The following MEGF6 variants were observed in gnomAD, a reference collection of about 807,000 sequenced individuals.
MEGF6 encodes multiple EGF like domains 6.
MEGF6 carries 184 observed loss-of-function variants against 207.1 expected under a neutral mutation model. The ratio of observed to expected loss-of-function variants is 0.89; its 90% confidence interval spans 0.79 to 1.00. The LOEUF (loss-of-function observed/expected upper bound fraction) is 1.00. Among genes scored for constraint, MEGF6 ranks in the 50% least tolerant of loss-of-function variants. The pLI, the probability that MEGF6 is intolerant of heterozygous loss-of-function variation, is 0.00. For synonymous variants in MEGF6, 1,038 were observed against 910.0 expected (o/e 1.14, Z -2.53); for missense variants, 2,282 against 2,202.9 (o/e 1.04, Z -0.72).
At chr1:3,584,123 G>A (rs1293014129) in intron 3 of MEGF6, among the ~76,000 whole-genome samples, 2 of 152,242 alleles carry the variant, frequency 1.3e-5, no homozygotes, top group African/African-American at 2.4e-5. Flanking sequence ...AGGCATCCAG[G>A]GTGCCACCGG....
In MEGF6 at chr1:3,494,721, C is replaced by A. The variant is rs779755715; in HGVS notation, c.3892G>T (p.Gly1298Cys). ...CERGCPQNRF[G>C]VGCEHTCSCR... is the part of the protein sequence containing the mutation. ...GAGCAGGTGTGCTCGCAGCCCACGC[C>A]AAACCGGTTCTGGGGGCAGCCTGGA... Residue 1298 changes from glycine (G) to cysteine (C), a missense_variant, in exon 31 of 37, where the codon GGC becomes TGC. Physicochemically the swap from Gly to Cys is radical, Grantham distance 159 (BLOSUM62 -3). Transcript: ENST00000356575. 4.4e-6 allele frequency: 7 copies of A among 1,588,248 alleles called. No individual in the cohort carries two copies. The South Asian group carries it at 5.7e-5, about 13-fold the overall frequency.
chr1:3,574,938 T>A (rs1643601429), intron 4 of MEGF6, among the ~76,000 whole-genome samples: 1 of 152,210 alleles, frequency 6.6e-6, no homozygotes. Flanking sequence ...CCACCACGCC[T>A]GGCTTGAGCC....
At chr1:3,591,411 GCTA>G (rs1372211138) in intron 3 of MEGF6, among the ~76,000 whole-genome samples, 1 of 152,220 alleles carries the variant, frequency 6.6e-6, no homozygotes, top group Non-Finnish European at 1.5e-5. Flanking sequence ...CACTGTCACT[GCTA>G]CTAACAGGAG....
intron 35 of MEGF6, 140 bp downstream of exon 35, chr1:3,492,499 T>C: frequency 8.4e-7 from 1 of 1,189,556 alleles, no homozygotes; most frequent in Non-Finnish European, 1.2e-6. Context: ...TGGGGACAGA[T>C]GACATTCGCT....
At chr1:3,490,668 T>C in intron 36 of MEGF6, 79 bp from the exon 37 acceptor site, 1 of 1,472,226 alleles carries the variant, frequency 6.8e-7, no homozygotes, top group South Asian at 1.2e-5. Flanking sequence ...GGTTGGCACC[T>C]CTCCCTCCCA....
At chr1:3,495,756 G>A (rs1640571548) in intron 30 of MEGF6, 134 bp downstream of exon 30, 2 of 1,139,200 alleles carry the variant, frequency 1.8e-6, no homozygotes, top group African/African-American at 1.6e-5. Flanking sequence ...CAGCCCCAGG[G>A]TCAAGTGGGG....
Position 3,499,867 on chromosome 1 carries a change from C to T in MEGF6, c.2765G>A (p.Gly922Glu). ...CCCGCTGACGTGGTCACAGGCTGCT[C>T]CATGCTGACACTGGCACCGCTGCTC... The part of the protein sequence containing the change: ...GCEQRCQCQH[G>E]AACDHVSGAC... Residue 922 changes from glycine (G) to glutamate (E), a missense_variant, in exon 22 of 37, where the codon GGA becomes GAA. By Grantham distance (98) the Gly-to-Glu change is moderately conservative. Transcript: ENST00000356575. The T allele has an allele frequency of 6.4e-7, 1 of 1,558,590 alleles. No homozygotes were observed. The highest frequency in any genetic ancestry group is 1.7e-4 in the Middle Eastern group (1 of 5,810).
chr1:3,532,170 G>A (rs1271174476), intron 4 of MEGF6, among the ~76,000 whole-genome samples: 1 of 152,234 alleles, frequency 6.6e-6, no homozygotes, highest in East Asian at 1.9e-4. Context: ...GGGTCCCCAC[G>A]CTCCTCGAGG....
At chr1:3,574,765 C>T (rs928102724) in intron 4 of MEGF6, among the ~76,000 whole-genome samples, 6 of 152,212 alleles carry the variant, frequency 3.9e-5, no homozygotes, top group African/African-American at 1.4e-4. Context: ...GCCTCAGCCT[C>T]CTGGGTAGCT....
At chr1:3,541,394 A>G (rs960306351) in intron 4 of MEGF6, among the ~76,000 whole-genome samples, 7 of 152,232 alleles carry the variant, frequency 4.6e-5, no homozygotes, top group African/African-American at 1.7e-4. Flanking sequence ...TCCCGTGGAA[A>G]TGCCGTTCTC....
Position 3,579,870 on chromosome 1 carries a change from G to A in MEGF6, c.436C>T (p.Pro146Ser). 1 of 1,543,140 alleles carries A rather than the reference G, an allele frequency of 6.5e-7. No homozygotes were observed. The highest frequency in any genetic ancestry group is 2.2e-5 in the Admixed American group (1 of 45,750). ...GGRCVPGSAQ[P>S]CHCPPGFQGP... ...TGGAAGCCGGGGGGACAGTGACACG[G>A]CTGGGCTGAGCCTGGCACACAACGG... is the stretch of plus-strand genomic sequence containing the variant. The change falls in exon 4 of 37, where the codon CCG becomes TCG. Residue 146 changes from proline (P) to serine (S), a missense_variant. By Grantham distance (74) the Pro-to-Ser change is moderately conservative. Transcript: ENST00000356575.
At chr1:3,499,474 G>T in intron 23 of MEGF6, 114 bp downstream of exon 23, 1 of 1,476,322 alleles carries the variant, frequency 6.8e-7, no homozygotes, top group Non-Finnish European at 9.1e-7. Context: ...ATCACTCTCA[G>T]GGGGGTTGCC....
chr1:3,579,894 G>A lies in MEGF6; in HGVS notation c.412C>T (p.Arg138Cys), dbSNP rs1196692138. The change falls in exon 4 of 37, where the codon CGT (arginine) becomes TGT (cysteine). Residue 138 changes from arginine to cysteine, a missense_variant. By Grantham distance (180) the Arg-to-Cys change is radical. Coordinates refer to ENST00000356575, the MANE Select transcript of MEGF6 (RefSeq NM_001409.4). Reference sequence around the variant, plus strand: ...GGCTGGGCTGAGCCTGGCACACAACGGCCACCGTGAAAACAGAGGCTGGCG... The same window carrying A: ...GGCTGGGCTGAGCCTGGCACACAACAGCCACCGTGAAAACAGAGGCTGGCG... ...CSASLCFHGG[R>C]CVPGSAQPCH... The A allele has an allele frequency of 3.3e-6, 5 of 1,537,192 alleles. No homozygotes were observed. The highest frequency in any genetic ancestry group is 4.5e-5 in the Admixed American group (2 of 43,972).
chr1:3,531,524 C>T, intron 4 of MEGF6: 1 of 1,027,552 alleles, frequency 9.7e-7, no homozygotes, highest in Non-Finnish European at 1.2e-6. Flanking sequence ...CCGCCCCGAG[C>T]CCCGCCCCAC....
intron 9 of MEGF6, 59 bp from the exon 10 acceptor site, chr1:3,510,961 C>A: frequency 7.2e-7 from 1 of 1,384,692 alleles, no homozygotes; most frequent in South Asian, 1.4e-5. Flanking sequence ...CACACGCCCC[C>A]ACCCACACAC....
chr1:3,494,772 C>G (rs764395842), intron 30 of MEGF6, 31 bp from the exon 31 acceptor site: 2 of 1,531,696 alleles, frequency 1.3e-6, no homozygotes, highest in Admixed American at 3.9e-5. Flanking sequence ...CTGCCTGGAG[C>G]TCTGGCCGAG....
chr1:3,490,946 C>T lies in MEGF6; in HGVS notation c.4530G>A (p.Arg1510=). 6.2e-7 allele frequency: 1 copy of T among 1,600,674 alleles called. No homozygotes were observed. Among genetic ancestry groups the T allele is most frequent in the Non-Finnish European group, 8.5e-7 (1 of 1,175,796 alleles). The change falls in exon 36 of 37, where the codon CGG becomes CGA. Residue 1510 remains arginine, a synonymous_variant. Transcript: ENST00000356575. ...GGGCTAAGGACGGGTTCTCGGGGAGCCGGAGGGGCCCACCTGGAGGGGAGA... is the reference window on the plus strand; with the variant it reads ...GGGCTAAGGACGGGTTCTCGGGGAGTCGGAGGGGCCCACCTGGAGGGGAGA... ...GPTCREGGPL[R]LPENPSLAQG...
At chr1:3,621,255 G>A in the MEGF6 span, among the ~76,000 whole-genome samples, 1 of 152,152 alleles carries the variant, frequency 6.6e-6, no homozygotes, top group Non-Finnish European at 1.5e-5. Flanking sequence ...TTTTCCCTTG[G>A]CACTGACGCT....
rs989035091 is a variant in MEGF6, at chr1:3,571,766, G to A, written c.481+8059C>T. Among the ~76,000 whole-genome samples, 8 of 108,002 alleles carry A rather than the reference G, an allele frequency of 7.4e-5. 1 individual carries two copies. Among genetic ancestry groups the A allele is most frequent in the South Asian group, 2.7e-4 (1 of 3,670 alleles). The allele number at this position is 108,002 out of a possible 152,430, so 70.9% of individuals were successfully genotyped here. On this transcript the variant is annotated intron_variant, in intron 4 of 36. Transcript: ENST00000356575. ...GTCTTCCCTGGTGTGCTGGGTCCCC[G>A]TGGGTGTGCTGAGTCCTTTCCAGGT...
Sources: allele counts gnomAD v4.1 joint callset (sites outside exome capture counted in the v4.1 genomes callset), GRCh38; gene constraint gnomAD v4.1.1; transcripts MANE v1.5; gene names NCBI Gene and HGNC (gene_info 2026-07-23, HGNC 2026-07-21).